ANKRD52: variants seen among roughly 807,000 people sequenced by gnomAD.
The protein encoded by ANKRD52 is serine/threonine-protein phosphatase 6 regulatory ankyrin repeat subunit C.
ANKRD52 carries 7 observed loss-of-function variants against 116.0 expected under a neutral mutation model. The observed-to-expected ratio is 0.06, with a 90% CI of 0.03 to 0.11. ANKRD52 has a LOEUF of 0.11. Among genes scored for constraint, ANKRD52 ranks in the 10% least tolerant of loss-of-function variants. ANKRD52 has a pLI of 1.00. For missense variants in ANKRD52, 839 were observed against 1,408.6 expected (o/e 0.60, Z 6.47); for synonymous variants, 528 against 578.1 (o/e 0.91, Z 1.24).
rs1871280604 is a variant in ANKRD52, at chr12:56,243,963, T to C, written c.2889-87A>G. 4 of 1,601,760 alleles carry C rather than the reference T, an allele frequency of 2.5e-6. No homozygotes were observed. Among genetic ancestry groups the C allele is most frequent in the African/African-American group, 1.3e-5 (1 of 74,602 alleles). ...TGGCAAGGGTGCTGAACAAATACAA[T>C]GGGCTCCAGAGAGCCTCTGAACAGC... On this transcript the variant is annotated intron_variant, in intron 26 of 27. Transcript: ENST00000267116. The surrounding 1 kb of genome is among the most constrained non-coding windows in gnomAD (Gnocchi z 4.6).
chr12:56,256,181 C>T (rs1041331790), intron 4 of ANKRD52, among the ~76,000 whole-genome samples, 197 bp from the exon 5 acceptor site: 1 of 152,182 alleles, frequency 6.6e-6, no homozygotes, highest in Admixed American at 6.5e-5. Flanking sequence ...CTCTTCCTTA[C>T]CTTGCTGATT....
chr12:56,246,969 A>G (rs1448207056), intron 20 of ANKRD52, among the ~76,000 whole-genome samples: 4 of 144,238 alleles, frequency 2.8e-5, no homozygotes, highest in South Asian at 4.3e-4. Context: ...AATAATAATA[A>G]TAATAAACAA....
chr12:56,243,844 G>C lies in ANKRD52; in HGVS notation c.2921C>G (p.Ala974Gly). The change falls in exon 27 of 28, where the codon GCT becomes GGT. Residue 974 changes from alanine to glycine, a missense_variant. Around this residue, in one of 2 missense-constraint regions of ANKRD52, gnomAD observed 552 missense variants for 810.6 expected, o/e 0.68. Coordinates refer to ENST00000267116, the MANE Select transcript of ANKRD52 (RefSeq NM_173595.4). The surrounding 1 kb of genome is among the most constrained non-coding windows in gnomAD (Gnocchi z 4.6). ...PLHIAARNGL[A>G]SVVQALLSHG... Reference sequence around the variant, plus strand: ...ACTCAGCAGGGCCTGTACCACAGAAGCTAGACCATTCCGGGCAGCAATGTG... The same window carrying C: ...ACTCAGCAGGGCCTGTACCACAGAACCTAGACCATTCCGGGCAGCAATGTG... 2 of 1,567,120 alleles carry C rather than the reference G, an allele frequency of 1.3e-6. No homozygotes were observed. The highest frequency in any genetic ancestry group is 1.7e-6 in the Non-Finnish European group (2 of 1,155,612).
At position 56,254,035 on chromosome 12, in the gene ANKRD52, C is replaced by T. The variant is rs761422618; in HGVS notation, c.906+32G>A. ...GGACCCCTAGATCCAAGTTTCGCTC[C>T]CCACTGGTCTAAGCCTTATCCCTTC... On this transcript the variant is annotated intron_variant, in intron 8 of 27. Coordinates refer to ENST00000267116, the MANE Select transcript of ANKRD52 (RefSeq NM_173595.4). The surrounding 1 kb of genome is among the most constrained non-coding windows in gnomAD (Gnocchi z 4.6). 5.6e-6 allele frequency: 9 copies of T among 1,593,248 alleles called. No homozygotes were observed. The East Asian group carries it at 1.8e-4, about 32-fold the overall frequency.
intron 2 of ANKRD52, 77 bp from the exon 3 acceptor site, chr12:56,257,438 G>T: frequency 7.9e-7 from 1 of 1,269,780 alleles, no homozygotes; most frequent in Non-Finnish European, 1.1e-6. Flanking sequence ...AAGTCTCAGA[G>T]CTCCAGGCCC....
chr12:56,245,322 C>A (rs1871344265), intron 21 of ANKRD52, 55 bp downstream of exon 21: 1 of 1,603,006 alleles, frequency 6.2e-7, no homozygotes. Flanking sequence ...ACCTGTCCCC[C>A]TCTACACACA....
At position 56,244,896 on chromosome 12, in the gene ANKRD52, C is replaced by T; in HGVS notation, c.2576+10G>A. On this transcript the variant is annotated intron_variant, in intron 23 of 27. Transcript: ENST00000267116. This position sits in a 1 kb window ranked among gnomAD's most constrained non-coding sequence, Gnocchi z 4.9. ...CAACTGGGATTCTTCCCAAGTCTTC[C>T]ATCACTCACCGTCCTTTGGCATCTC... 1 of 1,613,946 alleles carries T rather than the reference C, an allele frequency of 6.2e-7. No individual in the cohort carries two copies. The highest frequency in any genetic ancestry group is 8.5e-7 in the Non-Finnish European group (1 of 1,179,868).
rs1421022257 is a variant in ANKRD52, at chr12:56,240,292, C to T, written c.*2850G>A. 2.0e-5 allele frequency: 3 copies of T among 152,264 alleles called. No homozygotes were observed. The highest frequency in any genetic ancestry group is 4.4e-5 in the Non-Finnish European group (3 of 68,074). The allele number at this position is 152,264 out of a possible 1,614,324, so 9.4% of individuals were successfully genotyped here. A position where few individuals can be genotyped will look rare whatever the true frequency, so the allele number is the denominator to read the frequency against. On this transcript the variant is annotated 3_prime_UTR_variant, in exon 28 of 28. Transcript: ENST00000267116. The surrounding 1 kb of genome is among the most constrained non-coding windows in gnomAD (Gnocchi z 4.2). ...GAAATAGCTCCCCCAAAATCAGAAACTAAAAACTGGCTCTTTCCATCTCAC... is the reference window on the plus strand; with the variant it reads ...GAAATAGCTCCCCCAAAATCAGAAATTAAAAACTGGCTCTTTCCATCTCAC...
rs1160013943 is a variant in ANKRD52, at chr12:56,248,401, GAAGGAAGGATAACTTCAC to G, written c.1776+76_1776+93del. 21 of 1,464,072 alleles carry G rather than the reference GAAGGAAGGATAACTTCAC, an allele frequency of 1.4e-5. No individual in the cohort carries two copies. The highest frequency in any genetic ancestry group is 3.9e-5 in the Admixed American group (2 of 51,090). The allele number at this position is 1,464,072 out of a possible 1,614,324, so 90.7% of individuals were successfully genotyped here. ...TTATCCCCTCTCCCACAAAAAGGCA[GAAGGAAGGATAACTTCAC>G]AAGTGCTGGCACCTTTGTTAGGGCC... On this transcript the variant is annotated intron_variant, in intron 17 of 27. Transcript: ENST00000267116. This position sits in a 1 kb window ranked among gnomAD's most constrained non-coding sequence, Gnocchi z 5.1.
intron 15 of ANKRD52, among the ~76,000 whole-genome samples, chr12:56,250,627 T>C (rs1482835584): frequency 6.6e-6 from 1 of 151,488 alleles, no homozygotes; most frequent in African/African-American, 2.4e-5. Flanking sequence ...CTCATATCTG[T>C]AATCCCAGCA....
In ANKRD52 at chr12:56,257,313, C is replaced by T. The variant is rs138117650; in HGVS notation, c.160G>A (p.Val54Ile). The change falls in exon 3 of 28, where the codon GTC becomes ATC. Residue 54 changes from valine (V) to isoleucine (I), a missense_variant. Coordinates refer to ENST00000267116, the MANE Select transcript of ANKRD52 (RefSeq NM_173595.4). ...PLHAAAYVGD[V>I]PILQLLLMSG... ...ATCAGTAGCAACTGGAGGATGGGGACATCGCCTACGTAGGCAGCAGCATGC... is the reference window on the plus strand; with the variant it reads ...ATCAGTAGCAACTGGAGGATGGGGATATCGCCTACGTAGGCAGCAGCATGC... 71 of 1,597,502 alleles carry T rather than the reference C, an allele frequency of 4.4e-5. No individual in the cohort carries two copies. The Middle Eastern group carries it at 1.5e-3, about 33-fold the overall frequency.
rs1871761665 is a variant in ANKRD52, at chr12:56,252,710, G to T, written c.1301+70C>A. On this transcript the variant is annotated intron_variant, in intron 12 of 27. Coordinates refer to ENST00000267116, the MANE Select transcript of ANKRD52 (RefSeq NM_173595.4). The surrounding 1 kb of genome is among the most constrained non-coding windows in gnomAD (Gnocchi z 4.7). ...TGAGAGGGGGAATAGATCTGGGCAG[G>T]CAAGAATGAGGGGCCCAGACCTTTG... is the stretch of plus-strand genomic sequence containing the variant. 5.1e-6 allele frequency: 8 copies of T among 1,556,844 alleles called. No homozygotes were observed. The highest frequency in any genetic ancestry group is 7.1e-6 in the Non-Finnish European group (8 of 1,131,726).
At position 56,253,903 on chromosome 12, in the gene ANKRD52, G is replaced by C; in HGVS notation, c.907-103C>G. 1 of 1,391,778 alleles carries C rather than the reference G, an allele frequency of 7.2e-7. No homozygotes were observed. 86.2% of individuals were successfully genotyped at this position (1,391,778 alleles called of 1,614,324 possible). A position where few individuals can be genotyped will look rare whatever the true frequency, so the allele number is the denominator to read the frequency against. ...AGGACATATCTCTAAGGACAAAAGGGTCATATGGCACCTTCTTAGCCCACT... is the reference window on the plus strand; with the variant it reads ...AGGACATATCTCTAAGGACAAAAGGCTCATATGGCACCTTCTTAGCCCACT... On this transcript the variant is annotated intron_variant, in intron 8 of 27. Transcript: ENST00000267116. The surrounding 1 kb of genome is among the most constrained non-coding windows in gnomAD (Gnocchi z 5.5).
At chr12:56,251,738 C>CAA (rs11286294) in intron 15 of ANKRD52, among the ~76,000 whole-genome samples, 21 of 83,566 alleles carry the variant, frequency 2.5e-4, no homozygotes, top group African/African-American at 7.6e-4. Flanking sequence ...ACTCTGTCTC[C>CAA]AAAAAAAAAA....
Position 56,255,838 on chromosome 12 carries a change from A to G in ANKRD52, c.408T>C (p.Ala136=). 1 of 1,580,134 alleles carries G rather than the reference A, an allele frequency of 6.3e-7. No homozygotes were observed. The highest frequency in any genetic ancestry group is 1.3e-5 in the African/African-American group (1 of 74,308). ...GCAGAGCACTGCGCCCGCTCCTGTC[A>G]GCCACGTTGAGGCTGCTCAACAGGG... ...LAPLLSSLNV[A]DRSGRSALHH... Residue 136 remains alanine, a synonymous_variant, in exon 5 of 28, where the codon GCT becomes GCC. Coordinates refer to ENST00000267116, the MANE Select transcript of ANKRD52 (RefSeq NM_173595.4). This position sits in a 1 kb window ranked among gnomAD's most constrained non-coding sequence, Gnocchi z 4.3.
At chr12:56,250,739 A>G (rs1336770916) in intron 15 of ANKRD52, among the ~76,000 whole-genome samples, 1 of 151,000 alleles carries the variant, frequency 6.6e-6, no homozygotes, top group African/African-American at 2.4e-5. Context: ...TTAATTAAAA[A>G]AAAAAAAAAA....
In ANKRD52 at chr12:56,257,376, AAG is replaced by A; in HGVS notation, c.112-17_112-16del. On this transcript the variant is annotated splice_polypyrimidine_tract_variant and intron_variant, in intron 2 of 27. Coordinates refer to ENST00000267116, the MANE Select transcript of ANKRD52 (RefSeq NM_173595.4). ...CTCTCTTGGTCCTGGGAAGGCAAAA[AAG>A]AGCAGGGAGTATGGGCGCGGGGTAA... 6.3e-7 allele frequency: 1 copy of A among 1,575,048 alleles called. No homozygotes were observed. Among genetic ancestry groups the A allele is most frequent in the Non-Finnish European group, 8.6e-7 (1 of 1,159,988 alleles).
rs1285586888 is a variant in ANKRD52, at chr12:56,242,530, G to A, written c.*612C>T. 3 of 224,570 alleles carry A rather than the reference G, an allele frequency of 1.3e-5. No homozygotes were observed. The highest frequency in any genetic ancestry group is 1.7e-5 in the Non-Finnish European group (2 of 115,756). The allele number at this position is 224,570 out of a possible 1,614,324, so 13.9% of individuals were successfully genotyped here. ...AGGTACAGTAGTTGCTGCTTCAAGT[G>A]TTTTGCATTTGAACTTTAGGGGTGA... On this transcript the variant is annotated 3_prime_UTR_variant, in exon 28 of 28. Coordinates refer to ENST00000267116, the MANE Select transcript of ANKRD52 (RefSeq NM_173595.4). The surrounding 1 kb of genome is among the most constrained non-coding windows in gnomAD (Gnocchi z 4.3).
At chr12:56,257,577 G>T (rs969097099) in intron 2 of ANKRD52, among the ~76,000 whole-genome samples, 1 of 152,150 alleles carries the variant, frequency 6.6e-6, no homozygotes, top group African/African-American at 2.4e-5. Flanking sequence ...TTCCAGGAGG[G>T]GTGGGGGCGC....
Sources: allele counts gnomAD v4.1 joint callset (sites outside exome capture counted in the v4.1 genomes callset), GRCh38; gene constraint gnomAD v4.1.1; regional missense constraint gnomAD v4.1.1; non-coding constraint Gnocchi (gnomAD v3.1); transcripts MANE v1.5; gene names NCBI Gene and HGNC (gene_info 2026-07-23, HGNC 2026-07-21).